KNSTRN: variants seen among roughly 807,000 people sequenced by gnomAD.
The protein encoded by KNSTRN is kinetochore localized astrin (SPAG5) binding protein.
KNSTRN carries 38 observed loss-of-function variants against 44.7 expected under a neutral mutation model. The observed-to-expected ratio is 0.85, with a 90% CI of 0.66 to 1.11. The LOEUF (loss-of-function observed/expected upper bound fraction) is 1.11, where lower values mean the gene tolerates loss of function less well. Among genes scored for constraint, KNSTRN ranks in the 50% most tolerant of loss-of-function variants. The pLI, the probability that KNSTRN is intolerant of heterozygous loss-of-function variation, is 0.00. For missense variants in KNSTRN, 406 were observed against 375.8 expected (o/e 1.08, Z -0.66); for synonymous variants, 158 against 148.1 (o/e 1.07, Z -0.48).
At chr15:40,389,048 G>A in intron 4 of KNSTRN, 1 of 364,628 alleles carries the variant, frequency 2.7e-6, no homozygotes, top group Non-Finnish European at 5.4e-6. Flanking sequence ...GAGGAAACAA[G>A]GCCTCAGGGA....
Position 40,393,546 on chromosome 15 carries a change from A to C in KNSTRN, c.900A>C (p.Val300=). Residue 300 remains valine (V), a synonymous_variant, in exon 9 of 9, where the codon GTA becomes GTC. Transcript: ENST00000249776. ...AGCAAACCTTATGTAACAATCAAGTAAATGATTTAACAACAGCCCTTAAGG... is the reference window on the plus strand; with the variant it reads ...AGCAAACCTTATGTAACAATCAAGTCAATGATTTAACAACAGCCCTTAAGG... ...LEQQTLCNNQ[V]NDLTTALKEM... 6.2e-7 allele frequency: 1 copy of C among 1,614,148 alleles called. No homozygotes were observed. Among genetic ancestry groups the C allele is most frequent in the Non-Finnish European group, 8.5e-7 (1 of 1,180,002 alleles).
At chr15:40,383,065 G>T in intron 1 of KNSTRN, 21 bp downstream of exon 1, 1 of 1,608,056 alleles carries the variant, frequency 6.2e-7, no homozygotes, top group Non-Finnish European at 8.5e-7. Context: ...CCCGGGGCGA[G>T]GGACTGGGCT....
In KNSTRN at chr15:40,383,248, T is replaced by G. The variant is rs772458769; in HGVS notation, c.230T>G (p.Val77Gly). Residue 77 changes from valine (V) to glycine (G), a missense_variant, in exon 2 of 9, where the codon GTT (valine) becomes GGT (glycine). By Grantham distance (109) the Val-to-Gly change is moderately radical (BLOSUM62 -3). Coordinates refer to ENST00000249776, the MANE Select transcript of KNSTRN (RefSeq NM_033286.4). The stretch of plus-strand genomic sequence containing the variant: ...TCCAGGGTTCAGCCGTGCCGCCTCG[T>G]TACGATGACCAGTGTGGTTAAGACA... ...RAPGVQPCRL[V>G]TMTSVVKTVY... The G allele has an allele frequency of 4.3e-6, 7 of 1,614,024 alleles. No homozygotes were observed. Among genetic ancestry groups the G allele is most frequent in the Non-Finnish European group, 5.1e-6 (6 of 1,179,984 alleles).
At chr15:40,389,680 C>T (rs1458332281) in intron 5 of KNSTRN, 69 bp downstream of exon 5, 36 of 1,333,738 alleles carry the variant, frequency 2.7e-5, no homozygotes, top group Non-Finnish European at 3.2e-5. Context: ...TGATGGGTGG[C>T]CCCTTGGATG....
intron 7 of KNSTRN, 27 bp from the exon 8 acceptor site, chr15:40,391,922 G>A: frequency 2.5e-6 from 4 of 1,583,724 alleles, no homozygotes; most frequent in Non-Finnish European, 3.4e-6. Context: ...ATGAAGATTT[G>A]TTTACTACAT....
intron 2 of KNSTRN, among the ~76,000 whole-genome samples, chr15:40,385,980 C>T (rs1262792273): frequency 1.3e-5 from 2 of 152,242 alleles, no homozygotes; most frequent in African/African-American, 4.8e-5. Context: ...GGCCAGGCAT[C>T]GTGGCTCACG....
At chr15:40,388,424 G>T (rs146581460) in intron 4 of KNSTRN, among the ~76,000 whole-genome samples, 13 of 152,344 alleles carry the variant, frequency 8.5e-5, no homozygotes, top group African/African-American at 3.1e-4. Flanking sequence ...TTTAAGGGCC[G>T]GCGCAGTGGC....
chr15:40,386,937 T>G, intron 3 of KNSTRN: 1 of 585,278 alleles, frequency 1.7e-6, no homozygotes. Context: ...TCTGTCAGGT[T>G]GTTAGGGTGG....
rs745791244 is a variant in KNSTRN, at chr15:40,382,885, G to A, written c.50G>A (p.Trp17Ter). 8 of 1,612,140 alleles carry A rather than the reference G, an allele frequency of 5.0e-6. No homozygotes were observed. In the South Asian group the frequency reaches 7.7e-5, roughly 16 times the overall value. Residue 17 changes from tryptophan to a stop codon, truncating the protein, a stop_gained, in exon 1 of 9, where the codon TGG (tryptophan) becomes TAG (stop). Transcript: ENST00000249776. LOFTEE classifies it high-confidence loss of function. ...PPLDRVFRTT[W>*]LSTECDSHPL... is the part of the protein sequence containing the mutation. ...CTGGACAGAGTTTTCCGTACAACAT[G>A]GCTGTCTACAGAGTGCGATTCCCAC...
chr15:40,391,523 A>C lies in KNSTRN; in HGVS notation c.716A>C (p.Gln239Pro). 1 of 1,614,052 alleles carries C rather than the reference A, an allele frequency of 6.2e-7. No homozygotes were observed. The change falls in exon 7 of 9, where the codon CAA (glutamine) becomes CCA (proline). Residue 239 changes from glutamine (Q) to proline (P), a missense_variant. Gln to Pro is a moderately conservative substitution (Grantham distance 76). Transcript: ENST00000249776. Reference sequence around the variant, plus strand: ...GGCAGTGAGACCCTGGCATCACGACAAGAATCCACTACTGATCACATGGAC... The same window carrying C: ...GGCAGTGAGACCCTGGCATCACGACCAGAATCCACTACTGATCACATGGAC... ...ALGSETLASR[Q>P]ESTTDHMDSM... is the part of the protein sequence containing the mutation.
At position 40,389,941 on chromosome 15, in the gene KNSTRN, C is replaced by G. The variant is rs1595740071; in HGVS notation, c.685+12C>G. On this transcript the variant is annotated intron_variant, in intron 6 of 8. Coordinates refer to ENST00000249776, the MANE Select transcript of KNSTRN (RefSeq NM_033286.4). ...GGGCCTTGATCCAGGTAAGAGACAGCACACAGCTAGCCTCCTTTGAAGGAA... is the reference window on the plus strand; with the variant it reads ...GGGCCTTGATCCAGGTAAGAGACAGGACACAGCTAGCCTCCTTTGAAGGAA... The G allele has an allele frequency of 6.2e-7, 1 of 1,606,280 alleles. No homozygotes were observed. The highest frequency in any genetic ancestry group is 8.5e-7 in the Non-Finnish European group (1 of 1,172,752).
Position 40,389,586 on chromosome 15 carries a change from T to G in KNSTRN, c.566T>G (p.Leu189Trp), listed in dbSNP as rs1288080801. 6.2e-7 allele frequency: 1 copy of G among 1,613,834 alleles called. No individual in the cohort carries two copies. ...CTGTTAGAAGCCGTCAACAAGCAGTTGCACCAGAAGTTGACTGAAACTCAG... is the reference window on the plus strand; with the variant it reads ...CTGTTAGAAGCCGTCAACAAGCAGTGGCACCAGAAGTTGACTGAAACTCAG... ...NQLLEAVNKQ[L>W]HQKLTETQGE... is the part of the protein sequence containing the mutation. Residue 189 changes from leucine to tryptophan, a missense_variant, in exon 5 of 9, where the codon TTG becomes TGG. Transcript: ENST00000249776.
In KNSTRN at chr15:40,393,181, G is replaced by T; in HGVS notation, c.823-288G>T. ...GTAGTAAGCACAGATTCTTTGGTCT[G>T]GACTGTTTCAGATTGCTTGGATGAA... On this transcript the variant is annotated intron_variant, in intron 8 of 8. Coordinates refer to ENST00000249776, the MANE Select transcript of KNSTRN (RefSeq NM_033286.4). 3.1e-6 allele frequency: 5 copies of T among 1,613,488 alleles called. 1 individual carries two copies. In the South Asian group the frequency reaches 5.5e-5, roughly 18 times the overall value.
In KNSTRN at chr15:40,383,033, GC is replaced by G. The variant is rs1566921600; in HGVS notation, c.199del (p.Arg67GlyfsTer13). ...GCGAGAAGGACTGCGGGCAGGACCG[GC>G]GGGCTCCTGGGTTCGGCTCTCCCGG... ...ESEKDCGQDR[R>X]APGVQPCRLV... On this transcript the variant is annotated frameshift_variant, in exon 1 of 9. Transcript: ENST00000249776. LOFTEE classifies it high-confidence loss of function. 5 of 1,610,708 alleles carry G rather than the reference GC, an allele frequency of 3.1e-6. No homozygotes were observed. The highest frequency in any genetic ancestry group is 4.2e-6 in the Non-Finnish European group (5 of 1,179,988).
At chr15:40,389,294 A>G in intron 4 of KNSTRN, 1 of 513,924 alleles carries the variant, frequency 1.9e-6, no homozygotes, top group Non-Finnish European at 3.6e-6. Context: ...GATTACAGGC[A>G]TGCGCCACCA....
intron 2 of KNSTRN, 100 bp from the exon 3 acceptor site, chr15:40,386,262 A>G (rs992110560): frequency 1.1e-5 from 14 of 1,229,998 alleles, no homozygotes; most frequent in African/African-American, 1.5e-5. Flanking sequence ...ATAAAGTAAA[A>G]TAAAGATTTA....
chr15:40,384,464 G>T (rs1463962415), intron 2 of KNSTRN: 3 of 455,968 alleles, frequency 6.6e-6, no homozygotes, highest in Non-Finnish European at 1.3e-5. Context: ...CAGAACACCT[G>T]AATGGTAATC....
chr15:40,388,818 A>G (rs1889946959), intron 4 of KNSTRN, among the ~76,000 whole-genome samples: 1 of 152,148 alleles, frequency 6.6e-6, no homozygotes, highest in Admixed American at 6.5e-5. Flanking sequence ...AACATGTTAC[A>G]GTGCTGCAGA....
intron 2 of KNSTRN, among the ~76,000 whole-genome samples, chr15:40,386,064 T>A (rs1889894797): frequency 6.6e-6 from 1 of 152,140 alleles, no homozygotes; most frequent in African/African-American, 2.4e-5. Context: ...AGTGAGACCC[T>A]GTCTCTATTT....
Sources: gnomAD v4.1 joint callset for allele counts (sites outside exome capture counted in the v4.1 genomes callset) on GRCh38, gnomAD v4.1.1 for gene constraint, MANE v1.5 for transcripts, NCBI Gene and HGNC (gene_info 2026-07-23, HGNC 2026-07-21) for gene names.